APCDD1: variants seen among roughly 807,000 people sequenced by gnomAD.
The protein encoded by APCDD1 is APC down-regulated 1.
In APCDD1, 15 loss-of-function variants were observed where a neutral mutation model predicts 38.1. That is an observed-to-expected ratio of 0.39 (90% CI 0.26 to 0.61). APCDD1 has a LOEUF of 0.61. Among genes scored for constraint, APCDD1 ranks in the 20% least tolerant of loss-of-function variants. The pLI, the probability that APCDD1 is intolerant of heterozygous loss-of-function variation, is 0.49. For missense variants in APCDD1, 647 were observed against 696.2 expected (o/e 0.93, Z 0.79); for synonymous variants, 261 against 279.7 (o/e 0.93, Z 0.67).
intron 1 of APCDD1, among the ~76,000 whole-genome samples, chr18:10,464,057 T>C (rs1183956092): frequency 2.0e-5 from 3 of 152,228 alleles, no homozygotes; most frequent in African/African-American, 7.2e-5. Context: ...TTAATGTCTT[T>C]TTTTTCCTGC....
At position 10,469,677 on chromosome 18, in the gene APCDD1, C is replaced by T. The variant is rs938095317; in HGVS notation, c.242+1025C>T. Among the ~76,000 whole-genome samples, 8 of 151,966 alleles carry T rather than the reference C, an allele frequency of 5.3e-5. No individual in the cohort carries two copies. The highest frequency in any genetic ancestry group is 1.9e-4 in the African/African-American group (8 of 41,286). On this transcript the variant is annotated intron_variant, in intron 2 of 4. Coordinates refer to ENST00000355285, the MANE Select transcript of APCDD1 (RefSeq NM_153000.5). The surrounding 1 kb of genome is among the most constrained non-coding windows in gnomAD (Gnocchi z 5.5). ...GGTGCTAAAAGAGAATACCAGGGGG[C>T]CCCATTTTAAAATCAGGGCGGAGTT...
chr18:10,457,540 A>G (rs528131286), intron 1 of APCDD1, among the ~76,000 whole-genome samples: 33 of 152,224 alleles, frequency 2.2e-4, no homozygotes, highest in Non-Finnish European at 4.4e-4. Flanking sequence ...TGCTAACCAT[A>G]GGATACCATT....
intron 3 of APCDD1, among the ~76,000 whole-genome samples, chr18:10,481,450 G>A (rs2031134895): frequency 6.6e-6 from 1 of 152,254 alleles, no homozygotes; most frequent in African/African-American, 2.4e-5. Context: ...AAGACAAATA[G>A]TGATAGTTCC....
At position 10,472,196 on chromosome 18, in the gene APCDD1, G is replaced by C; in HGVS notation, c.774+135G>C. On this transcript the variant is annotated intron_variant, in intron 3 of 4. Transcript: ENST00000355285. The surrounding 1 kb of genome is among the most constrained non-coding windows in gnomAD (Gnocchi z 6.6). The stretch of plus-strand genomic sequence containing the variant: ...TGGCGGGGCAGGCCAAGGTGGGGCT[G>C]CTGCGAGGTGGGAGGAGATGGGAAA... 1 of 1,268,192 alleles carries C rather than the reference G, an allele frequency of 7.9e-7. No homozygotes were observed. Among genetic ancestry groups the C allele is most frequent in the East Asian group, 2.4e-5 (1 of 41,416 alleles). The allele number at this position is 1,268,192 out of a possible 1,614,324, so 78.6% of individuals were successfully genotyped here. A position where few individuals can be genotyped will look rare whatever the true frequency, so the allele number is the denominator to read the frequency against.
At chr18:10,455,363 C>T (rs1228801420) in intron 1 of APCDD1, among the ~76,000 whole-genome samples, 1 of 152,252 alleles carries the variant, frequency 6.6e-6, no homozygotes, top group Non-Finnish European at 1.5e-5. Flanking sequence ...AAACTTTCGT[C>T]CGCTCTGCTG....
intron 4 of APCDD1, among the ~76,000 whole-genome samples, chr18:10,486,848 C>CAG (rs1412283410): frequency 1.3e-5 from 2 of 152,184 alleles, no homozygotes; most frequent in African/African-American, 4.8e-5. Flanking sequence ...TCTGTTAACC[C>CAG]AGAAAGTCCT....
Position 10,472,577 on chromosome 18 carries a change from C to T in APCDD1, c.774+516C>T, listed in dbSNP as rs1409438347. ...AGAGTCACCCTGGTGAGTCCCGACA[C>T]TCTTAGGCAGAACAGCCTGCTGAGG... On this transcript the variant is annotated intron_variant, in intron 3 of 4. Transcript: ENST00000355285. The surrounding 1 kb of genome is among the most constrained non-coding windows in gnomAD (Gnocchi z 6.6). Among the ~76,000 whole-genome samples the T allele has an allele frequency of 6.6e-6, 1 of 152,148 alleles. No individual in the cohort carries two copies. Among genetic ancestry groups the T allele is most frequent in the African/African-American group, 2.4e-5 (1 of 41,420 alleles).
chr18:10,468,565 G>A lies in APCDD1; in HGVS notation c.155G>A (p.Cys52Tyr). Residue 52 changes from cysteine (C) to tyrosine (Y), a missense_variant, in exon 2 of 5, where the codon TGC becomes TAC. Physicochemically the swap from Cys to Tyr is radical, Grantham distance 194. Transcript: ENST00000355285. ...TGGAGGGCTTTTAAGGAGTCACAGT[G>A]CCATCACATGCTCAAACATCTCCAC... ...SAWRAFKESQ[C>Y]HHMLKHLHNG... 2 of 1,614,130 alleles carry A rather than the reference G, an allele frequency of 1.2e-6. No individual in the cohort carries two copies. The highest frequency in any genetic ancestry group is 1.7e-6 in the Non-Finnish European group (2 of 1,180,040).
At position 10,454,713 on chromosome 18, in the gene APCDD1, G is replaced by T; in HGVS notation, c.-269G>T. Reference sequence around the variant, plus strand: ...GCACGCGGCGGCCGGGGCGGGACGCGGGGCCGGGCGCGGAGAAGTCGGGGC... The same window carrying T: ...GCACGCGGCGGCCGGGGCGGGACGCTGGGCCGGGCGCGGAGAAGTCGGGGC... On this transcript the variant is annotated 5_prime_UTR_variant, in exon 1 of 5. Coordinates refer to ENST00000355285, the MANE Select transcript of APCDD1 (RefSeq NM_153000.5). The T allele has an allele frequency of 1.0e-6, 1 of 983,272 alleles. No individual in the cohort carries two copies. The highest frequency in any genetic ancestry group is 1.2e-6 in the Non-Finnish European group (1 of 829,570). The allele number at this position is 983,272 out of a possible 1,614,324, so 60.9% of individuals were successfully genotyped here.
Position 10,470,646 on chromosome 18 carries a change from A to T in APCDD1, c.243-884A>T, listed in dbSNP as rs1272822419. Among the ~76,000 whole-genome samples the T allele has an allele frequency of 6.6e-6, 1 of 152,244 alleles. No individual in the cohort carries two copies. Among genetic ancestry groups the T allele is most frequent in the East Asian group, 1.9e-4 (1 of 5,194 alleles). On this transcript the variant is annotated intron_variant, in intron 2 of 4. Coordinates refer to ENST00000355285, the MANE Select transcript of APCDD1 (RefSeq NM_153000.5). This position sits in a 1 kb window ranked among gnomAD's most constrained non-coding sequence, Gnocchi z 4.1. ...TTGATGAGCTGAAAGTCATGGCGTAACTGAGACTAGGAGCTAACAAAAGGC... is the reference window on the plus strand; with the variant it reads ...TTGATGAGCTGAAAGTCATGGCGTATCTGAGACTAGGAGCTAACAAAAGGC...
At chr18:10,481,036 T>C (rs2031124974) in intron 3 of APCDD1, among the ~76,000 whole-genome samples, 1 of 152,100 alleles carries the variant, frequency 6.6e-6, no homozygotes, top group Admixed American at 6.5e-5. Context: ...TACAAAACGA[T>C]CAAAACTAGA....
In APCDD1 at chr18:10,483,969, G is replaced by A. The variant is rs771868112; in HGVS notation, c.775-1493G>A. Among the ~76,000 whole-genome samples, 109 of 152,350 alleles carry A rather than the reference G, an allele frequency of 7.2e-4. 1 individual carries two copies. Among genetic ancestry groups the A allele is most frequent in the Non-Finnish European group, 1.2e-3 (81 of 68,028 alleles). On this transcript the variant is annotated intron_variant, in intron 3 of 4. Transcript: ENST00000355285. ...TGTCTGAAGACCTTGGTCAGACAGC[G>A]AGGCACTGGCACTGTGTTCAAGCAC...
chr18:10,475,510 G>C lies in APCDD1; in HGVS notation c.774+3449G>C, dbSNP rs1415564183. 6.6e-6 allele frequency among the ~76,000 whole-genome samples: 1 copy of C among 152,178 alleles called. No individual in the cohort carries two copies. Among genetic ancestry groups the C allele is most frequent in the Non-Finnish European group, 1.5e-5 (1 of 68,022 alleles). On this transcript the variant is annotated intron_variant, in intron 3 of 4. Transcript: ENST00000355285. This position sits in a 1 kb window ranked among gnomAD's most constrained non-coding sequence, Gnocchi z 4.0. The stretch of plus-strand genomic sequence containing the variant: ...AGAGGGACTCTTTGCAAAGGAATCA[G>C]ATATTTATGGAGGAAATTAATGACT...
At chr18:10,473,232 G>C (rs1267798471) in intron 3 of APCDD1, among the ~76,000 whole-genome samples, 1 of 152,140 alleles carries the variant, frequency 6.6e-6, no homozygotes. Flanking sequence ...TTGTGAGCTT[G>C]TGCAATGCAA....
intron 3 of APCDD1, among the ~76,000 whole-genome samples, chr18:10,482,735 G>T (rs2031168577): frequency 6.6e-6 from 1 of 152,236 alleles, no homozygotes; most frequent in African/African-American, 2.4e-5. Context: ...AATGGTGACT[G>T]TTCCAGCAGT....
At chr18:10,468,437 C>G in intron 1 of APCDD1, 32 bp from the exon 2 acceptor site, 1 of 1,613,396 alleles carries the variant, frequency 6.2e-7, no homozygotes, top group East Asian at 2.2e-5. Context: ...GCTACTTCTT[C>G]TTTTGGCTAA....
Position 10,454,827 on chromosome 18 carries a change from G to T in APCDD1, c.-155G>T. The T allele has an allele frequency of 1.0e-6, 1 of 996,826 alleles. No homozygotes were observed. Among genetic ancestry groups the T allele is most frequent in the African/African-American group, 1.7e-5 (1 of 57,168 alleles). The allele number at this position is 996,826 out of a possible 1,614,324, so 61.7% of individuals were successfully genotyped here. A position where few individuals can be genotyped will look rare whatever the true frequency, so the allele number is the denominator to read the frequency against. ...GAGAGCGCGCGCCCCGCAGCCCCGC[G>T]CCTAGCCCGCCGGGCATGGGGCGCG... On this transcript the variant is annotated 5_prime_UTR_variant, in exon 1 of 5. Coordinates refer to ENST00000355285, the MANE Select transcript of APCDD1 (RefSeq NM_153000.5).
Position 10,485,852 on chromosome 18 carries a change from G to A in APCDD1, c.1096+69G>A. 1.3e-6 allele frequency: 2 copies of A among 1,537,072 alleles called. No homozygotes were observed. Among genetic ancestry groups the A allele is most frequent in the South Asian group, 1.1e-5 (1 of 87,034 alleles). On this transcript the variant is annotated intron_variant, in intron 4 of 4. Coordinates refer to ENST00000355285, the MANE Select transcript of APCDD1 (RefSeq NM_153000.5). The surrounding 1 kb of genome is among the most constrained non-coding windows in gnomAD (Gnocchi z 5.8). ...GCCCTGTGACATTTTTGTGGAGGCA[G>A]AGCTGAGGGAAAGGACCTCTTTTCT...
At chr18:10,461,500 C>A (rs941398135) in intron 1 of APCDD1, among the ~76,000 whole-genome samples, 1 of 152,158 alleles carries the variant, frequency 6.6e-6, no homozygotes, top group African/African-American at 2.4e-5. Flanking sequence ...TTAGACAGTA[C>A]CATGGACTGA....
Sources: allele counts gnomAD v4.1 joint callset (sites outside exome capture counted in the v4.1 genomes callset), GRCh38; gene constraint gnomAD v4.1.1; non-coding constraint Gnocchi (gnomAD v3.1); transcripts MANE v1.5; gene names NCBI Gene and HGNC (gene_info 2026-07-23, HGNC 2026-07-21).